The following LRRC2 variants were observed in gnomAD, a reference collection of about 807,000 sequenced individuals.
LRRC2 encodes the protein leucine-rich repeat-containing protein 2.
A neutral mutation model predicts 40.2 loss-of-function variants in LRRC2; 27 were observed. The ratio of observed to expected loss-of-function variants is 0.67; its 90% CI spans 0.49 to 0.93. The LOEUF (loss-of-function observed/expected upper bound fraction) is 0.93, where lower values mean the gene tolerates loss of function less well. Among genes scored for constraint, LRRC2 ranks in the 40% least tolerant of loss-of-function variants. LRRC2 has a pLI of 0.00. For synonymous variants in LRRC2, 147 were observed against 158.9 expected, an observed-to-expected ratio of 0.92 and a Z score of 0.56; for missense variants, 402 against 439.6, an observed-to-expected ratio of 0.91 and a Z score of 0.76.
At chr3:46,520,297 G>GC (rs1703943143) in intron 8 of LRRC2, among the ~76,000 whole-genome samples, 1 of 151,150 alleles carries the variant, frequency 6.6e-6, no homozygotes, top group South Asian at 2.1e-4. Flanking sequence ...CTTTCTTGGA[G>GC]TTTTACATAA....
rs536086504 is a variant in LRRC2 at position 46,532,232 on chromosome 3, T to A, written c.627+541A>T. On this transcript the variant is annotated intron_variant, in intron 5 of 8. Coordinates refer to ENST00000395905, the MANE Select transcript of LRRC2 (RefSeq NM_024512.5). ...CAACAAGCAAAGCATTAAATAAAAA[T>A]TTCTTGTGTGAAATTTTGCCTGGTT... Among the ~76,000 whole-genome samples the A allele has an allele frequency of 4.3e-4, 65 of 152,270 alleles. 1 individual carries two copies. The South Asian group carries it at 6.8e-3, about 16-fold the overall frequency.
chr3:46,541,756 C>T (rs1483765596), intron 3 of LRRC2, among the ~76,000 whole-genome samples: 2 of 152,170 alleles, frequency 1.3e-5, no homozygotes, highest in African/African-American at 4.8e-5. Flanking sequence ...GGACCAGAAC[C>T]TTGACCCCCA....
chr3:46,545,242 T>C lies in LRRC2; in HGVS notation c.137A>G (p.Glu46Gly). The C allele has an allele frequency of 1.9e-6, 3 of 1,613,996 alleles. No individual in the cohort carries two copies. The highest frequency in any genetic ancestry group is 1.7e-6 in the Non-Finnish European group (2 of 1,179,956). The change falls in exon 3 of 9, where the codon GAG becomes GGG. Residue 46 changes from glutamate to glycine, a missense_variant. Physicochemically the swap from Glu to Gly is moderately conservative, Grantham distance 98. Transcript: ENST00000395905. ...EKSALEKIKE[E>G]WNFVAECRRK... ...CCTGCATTCGGCCACAAAGTTCCAC[T>C]CCTCCTTTATCCTAAAACAGGCAGC...
intron 1 of LRRC2, among the ~76,000 whole-genome samples, chr3:46,561,858 A>C (rs960291181): frequency 6.6e-6 from 1 of 152,182 alleles, no homozygotes; most frequent in South Asian, 2.1e-4. Flanking sequence ...TAGAAACAGA[A>C]GAAAATACCC....
At chr3:46,538,973 T>C (rs2107011984) in intron 4 of LRRC2, 72 bp downstream of exon 4, 2 of 1,494,942 alleles carry the variant, frequency 1.3e-6, no homozygotes, top group Non-Finnish European at 9.1e-7. Context: ...GTCTGCACAG[T>C]GTCTGTCACC....
At chr3:46,563,195 C>T (rs1028181404) in intron 1 of LRRC2, among the ~76,000 whole-genome samples, 5 of 152,264 alleles carry the variant, frequency 3.3e-5, no homozygotes, top group South Asian at 2.1e-4. Flanking sequence ...CGCCTTGCCT[C>T]AGTTGGGGAA....
Position 46,532,799 on chromosome 3 carries a change from G to C in LRRC2, c.601C>G (p.Leu201Val). 1 of 1,613,660 alleles carries C rather than the reference G, an allele frequency of 6.2e-7. No individual in the cohort carries two copies. The highest frequency in any genetic ancestry group is 8.5e-7 in the Non-Finnish European group (1 of 1,179,806). ...TCAAAGGGCAGCTCCATTAATTCTA[G>C]ATTTCCAGAACAATCCAGTCTCTCT... ...NLERLDCSGN[L>V]ELMELPFELS... The change falls in exon 5 of 9, where the codon CTA (leucine) becomes GTA (valine). Residue 201 changes from leucine (L) to valine (V), a missense_variant. Leu to Val is a conservative substitution (Grantham distance 32, BLOSUM62 1). Transcript: ENST00000395905.
At chr3:46,547,553 G>A (rs1482774991) in intron 2 of LRRC2, among the ~76,000 whole-genome samples, 1 of 151,950 alleles carries the variant, frequency 6.6e-6, no homozygotes, top group African/African-American at 2.4e-5. Context: ...CTACTCAGGA[G>A]GCTGAGCTAG....
At chr3:46,535,110 CA>C (rs1704248137) in intron 4 of LRRC2, among the ~76,000 whole-genome samples, 1 of 152,166 alleles carries the variant, frequency 6.6e-6, no homozygotes, top group South Asian at 2.1e-4. Context: ...AGGATTTGCT[CA>C]AAATACTCCA....
intron 5 of LRRC2, among the ~76,000 whole-genome samples, chr3:46,530,992 A>T (rs1575347574): frequency 1.3e-5 from 2 of 152,324 alleles, no homozygotes; most frequent in South Asian, 2.1e-4. Context: ...AAAGAAGGAC[A>T]TTTCATAATA....
At chr3:46,551,296 A>G (rs1275083269) in intron 2 of LRRC2, 171 bp downstream of exon 2, 2 of 646,538 alleles carry the variant, frequency 3.1e-6, no homozygotes, top group Non-Finnish European at 4.9e-6. Flanking sequence ...TATCATAGGA[A>G]CTGCGTATTT....
At chr3:46,547,323 C>A (rs9846026) in intron 2 of LRRC2, among the ~76,000 whole-genome samples, 12,248 of 152,094 alleles carry the variant, frequency 0.081, 573 homozygotes, top group South Asian at 0.17. Context: ...CCCAGCAATC[C>A]ATGAGTCAGG....
At chr3:46,534,570 C>T (rs1704238106) in intron 4 of LRRC2, among the ~76,000 whole-genome samples, 1 of 151,896 alleles carries the variant, frequency 6.6e-6, no homozygotes, top group Non-Finnish European at 1.5e-5. Flanking sequence ...GCTGAAAAAC[C>T]TTACATCTAA....
chr3:46,532,970 A>G (rs1319015746), intron 4 of LRRC2, 61 bp from the exon 5 acceptor site: 1 of 1,516,752 alleles, frequency 6.6e-7, no homozygotes, highest in African/African-American at 1.4e-5. Flanking sequence ...TAAGAACAAA[A>G]AGCAAAACTA....
intron 7 of LRRC2, among the ~76,000 whole-genome samples, chr3:46,523,658 C>T (rs775422145): frequency 5.3e-5 from 8 of 152,106 alleles, no homozygotes; most frequent in African/African-American, 1.2e-4. Flanking sequence ...TGTCCACACA[C>T]CTATCTGCCC....
At chr3:46,560,388 A>C (rs1704908308) in intron 1 of LRRC2, among the ~76,000 whole-genome samples, 2 of 152,206 alleles carry the variant, frequency 1.3e-5, no homozygotes, top group Non-Finnish European at 1.5e-5. Context: ...AACTCTAGTC[A>C]ACACAATCTT....
intron 5 of LRRC2, among the ~76,000 whole-genome samples, chr3:46,531,193 C>T (rs891361669): frequency 2.7e-5 from 4 of 147,872 alleles, no homozygotes; most frequent in Non-Finnish European, 5.9e-5. Flanking sequence ...CTCTGTCACA[C>T]AGGCTGGAGT....
chr3:46,533,036 T>A, intron 4 of LRRC2, 127 bp from the exon 5 acceptor site: 1 of 970,766 alleles, frequency 1.0e-6, no homozygotes, highest in Non-Finnish European at 1.5e-6. Flanking sequence ...TAATTTAGTA[T>A]TTGGGTTTTG....
intron 2 of LRRC2, among the ~76,000 whole-genome samples, chr3:46,550,535 G>A (rs1704621754): frequency 6.6e-6 from 1 of 152,050 alleles, no homozygotes; most frequent in Admixed American, 6.6e-5. Context: ...GGGACTACAG[G>A]CGCCCGCCAC....
Sources: gnomAD v4.1 joint callset for allele counts (sites outside exome capture counted in the v4.1 genomes callset) on GRCh38, gnomAD v4.1.1 for gene constraint, MANE v1.5 for transcripts, NCBI Gene and HGNC (gene_info 2026-07-23, HGNC 2026-07-21) for gene names.